Variants in TSPOAP1 observed in about 807,000 individuals in gnomAD.
The protein encoded by TSPOAP1 is TSPO associated protein 1.
Under a neutral mutation model 197.0 loss-of-function variants are expected in TSPOAP1, and 87 were observed. The observed-to-expected ratio is 0.44, with a 90% CI of 0.37 to 0.53. The LOEUF is 0.53. Among genes scored for constraint, TSPOAP1 ranks in the 20% least tolerant of loss-of-function variants. The pLI, the probability that TSPOAP1 is intolerant of heterozygous loss-of-function variation, is 0.00. For synonymous variants in TSPOAP1, 913 were observed against 998.9 expected (o/e 0.91, Z 1.62); for missense variants, 2,174 against 2,411.3 (o/e 0.90, Z 2.06).
At chr17:58,312,888 G>T (rs62084580) in intron 16 of TSPOAP1, among the ~76,000 whole-genome samples, 166 bp from the exon 17 acceptor site, 8,866 of 152,352 alleles carry the variant, frequency 0.058, 363 homozygotes, top group East Asian at 0.12. Context: ...GAGCAGTAAA[G>T]ATCTGGATTA....
chr17:58,318,702 C>T (rs1430124278), intron 13 of TSPOAP1, among the ~76,000 whole-genome samples: 2 of 152,068 alleles, frequency 1.3e-5, no homozygotes, highest in Non-Finnish European at 1.5e-5. Flanking sequence ...AAACTATGGC[C>T]CAGAGAGGTT....
chr17:58,327,929 C>T lies in TSPOAP1; in HGVS notation c.-9G>A, dbSNP rs2143176287. ...GTTGTCAGTTGCTCCATGGTACTGC[C>T]AAGGGGCCCCAGAACCCGGGCCGGG... On this transcript the variant is annotated 5_prime_UTR_variant, in exon 1 of 32. An upstream open reading frame in the 5' UTR gains an earlier in-frame stop. Transcript: ENST00000343736. 1 of 1,581,858 alleles carries T rather than the reference C, an allele frequency of 6.3e-7. No individual in the cohort carries two copies. The highest frequency in any genetic ancestry group is 2.3e-5 in the East Asian group (1 of 44,158).
At chr17:58,305,005 A>T in intron 30 of TSPOAP1, 56 bp downstream of exon 30, 1 of 1,369,386 alleles carries the variant, frequency 7.3e-7, no homozygotes, top group Non-Finnish European at 1.0e-6. Flanking sequence ...TGGCCCTACC[A>T]CCCCACCAGT....
At chr17:58,311,376 C>T (rs1324519311) in intron 18 of TSPOAP1, 163 bp from the exon 19 acceptor site, 1 of 1,252,378 alleles carries the variant, frequency 8.0e-7, no homozygotes, top group Admixed American at 2.7e-5. Context: ...ATCCTCCTGG[C>T]CATATGGCTT....
chr17:58,308,461 G>T, intron 22 of TSPOAP1, 80 bp downstream of exon 22: 1 of 1,482,096 alleles, frequency 6.7e-7, no homozygotes, highest in South Asian at 1.4e-5. Context: ...AGCGTGGAAT[G>T]GGAGCTGCTG....
chr17:58,305,923 G>C, intron 26 of TSPOAP1, 58 bp from the exon 27 acceptor site: 1 of 1,574,670 alleles, frequency 6.4e-7, no homozygotes, highest in Non-Finnish European at 8.7e-7. Context: ...GGCTGCAGGT[G>C]CTGCAGCGCA....
chr17:58,321,762 A>G (rs1971411815), intron 10 of TSPOAP1, among the ~76,000 whole-genome samples: 1 of 152,118 alleles, frequency 6.6e-6, no homozygotes, highest in African/African-American at 2.4e-5. Context: ...AATACCAGCC[A>G]TGTGATCCTG....
At position 58,308,629 on chromosome 17, in the gene TSPOAP1, G is replaced by A. The variant is rs1970982646; in HGVS notation, c.4643C>T (p.Pro1548Leu). 6.2e-7 allele frequency: 1 copy of A among 1,607,216 alleles called. No homozygotes were observed. The highest frequency in any genetic ancestry group is 1.1e-5 in the South Asian group (1 of 90,842). Residue 1548 changes from proline (P) to leucine (L), a missense_variant, in exon 22 of 32, where the codon CCC becomes CTC. Transcript: ENST00000343736. ...CTCCCAGGCTGGGAGGCGTGGGTAG[G>A]GCTTGGGGCCTGAATTGGCCTTCGG... ...GPPKANSGPK[P>L]YPRLPAWEKG...
rs764008153 is a variant in TSPOAP1 at position 58,305,624 on chromosome 17, G to T, written c.5277C>A (p.Pro1759=). ...AGTGGGGAGCTTTCAGGTCAGCAGAGGGGACCAGCTTAGGGGGGCCTGCAG... is the reference window on the plus strand; with the variant it reads ...AGTGGGGAGCTTTCAGGTCAGCAGATGGGACCAGCTTAGGGGGGCCTGCAG... ...QPCPGPPKLV[P]SADLKAPHSM... Residue 1759 remains proline, a synonymous_variant, in exon 28 of 32, where the codon CCC becomes CCA. Coordinates refer to ENST00000343736, the MANE Select transcript of TSPOAP1 (RefSeq NM_004758.4). 3.2e-6 allele frequency: 5 copies of T among 1,551,590 alleles called. No homozygotes were observed. The East Asian group carries it at 1.1e-4, about 35-fold the overall frequency.
chr17:58,305,682 G>C (rs775183168), intron 27 of TSPOAP1, 39 bp from the exon 28 acceptor site: 1 of 1,358,356 alleles, frequency 7.4e-7, no homozygotes, highest in Non-Finnish European at 1.0e-6. Context: ...ACTCTCTGGA[G>C]AGCCCTACAC....
At chr17:58,319,319 G>T (rs374029973) in intron 12 of TSPOAP1, 25 bp from the exon 13 acceptor site, 12 of 1,548,752 alleles carry the variant, frequency 7.7e-6, no homozygotes, top group South Asian at 2.4e-5. Context: ...ACCATGAGCC[G>T]CCAGGCCCCT....
intron 29 of TSPOAP1, 35 bp from the exon 30 acceptor site, chr17:58,305,206 A>G: frequency 6.4e-7 from 1 of 1,559,520 alleles, no homozygotes; most frequent in Non-Finnish European, 8.8e-7. Flanking sequence ...TGAGATCAGG[A>G]AAGAGGCTCT....
rs1195117621 is a variant in TSPOAP1, at chr17:58,312,059, G to A, written c.2762C>T (p.Pro921Leu). The A allele has an allele frequency of 1.2e-6, 2 of 1,613,336 alleles. No individual in the cohort carries two copies. Among genetic ancestry groups the A allele is most frequent in the African/African-American group, 2.7e-5 (2 of 74,926 alleles). The change falls in exon 17 of 32, where the codon CCA (proline) becomes CTA (leucine). Residue 921 changes from proline to leucine, a missense_variant. Transcript: ENST00000343736. ...HAIYLNGEECPPASPSTYWAT... is the reference protein window; with the variant it reads ...HAIYLNGEECLPASPSTYWAT... ...CCAGTAGGTACTGGGGCTGGCAGGTGGGCACTCTTCCCCATTGAGGTAGAT... is the reference window on the plus strand; with the variant it reads ...CCAGTAGGTACTGGGGCTGGCAGGTAGGCACTCTTCCCCATTGAGGTAGAT...
rs1436725773 is a variant in TSPOAP1, at chr17:58,324,789, C to A, written c.942+22G>T. ...CACCCATCTGCACGCACCCACACAC[C>A]TGCCCTTGCGCCGGCGCTCACCTCT... On this transcript the variant is annotated intron_variant, in intron 5 of 31. Coordinates refer to ENST00000343736, the MANE Select transcript of TSPOAP1 (RefSeq NM_004758.4). This position sits in a 1 kb window ranked among gnomAD's most constrained non-coding sequence, Gnocchi z 5.8. 3.5e-6 allele frequency: 5 copies of A among 1,444,504 alleles called. No homozygotes were observed. The highest frequency in any genetic ancestry group is 4.5e-6 in the Non-Finnish European group (5 of 1,102,438). The allele number at this position is 1,444,504 out of a possible 1,614,324, so 89.5% of individuals were successfully genotyped here. A position where few individuals can be genotyped will look rare whatever the true frequency, so the allele number is the denominator to read the frequency against.
chr17:58,322,435 A>G lies in TSPOAP1; in HGVS notation c.1318-23T>C. The G allele has an allele frequency of 6.2e-7, 1 of 1,603,506 alleles. No homozygotes were observed. On this transcript the variant is annotated intron_variant, in intron 9 of 31. Transcript: ENST00000343736. The surrounding 1 kb of genome is among the most constrained non-coding windows in gnomAD (Gnocchi z 5.0). ...GTGCTGAAACACAAGATCTGAGTCA[A>G]GGCCAGAGCCCCTACTTGGCCATTT... is the stretch of plus-strand genomic sequence containing the variant.
chr17:58,305,894 C>G (rs895644504), intron 26 of TSPOAP1, 29 bp from the exon 27 acceptor site: 11 of 1,601,768 alleles, frequency 6.9e-6, no homozygotes, highest in Non-Finnish European at 9.4e-6. Context: ...TGTGAGCCCC[C>G]TCCCACCCTG....
In TSPOAP1 at chr17:58,322,287, C is replaced by T; in HGVS notation, c.1422+21G>A. The T allele has an allele frequency of 1.3e-6, 2 of 1,598,124 alleles. No individual in the cohort carries two copies. The highest frequency in any genetic ancestry group is 2.2e-5 in the South Asian group (2 of 90,810). ...AAGCTGGTGTCCAGCAGCCTGCCAGCTTCCCTCACTGCCGCCCCACCTGCT... is the reference window on the plus strand; with the variant it reads ...AAGCTGGTGTCCAGCAGCCTGCCAGTTTCCCTCACTGCCGCCCCACCTGCT... On this transcript the variant is annotated intron_variant, in intron 10 of 31. Coordinates refer to ENST00000343736, the MANE Select transcript of TSPOAP1 (RefSeq NM_004758.4). The surrounding 1 kb of genome is among the most constrained non-coding windows in gnomAD (Gnocchi z 5.0).
Position 58,326,226 on chromosome 17 carries a change from C to T in TSPOAP1, c.570+67G>A. On this transcript the variant is annotated intron_variant, in intron 3 of 31. Transcript: ENST00000343736. This position sits in a 1 kb window ranked among gnomAD's most constrained non-coding sequence, Gnocchi z 4.7. The stretch of plus-strand genomic sequence containing the variant: ...TGACTCCCAAGCTTCAGACAGCCCT[C>T]AGGCCCAGCCCTGGCTCCCCTCTTC... 2 of 1,595,548 alleles carry T rather than the reference C, an allele frequency of 1.3e-6. No homozygotes were observed. Among genetic ancestry groups the T allele is most frequent in the South Asian group, 2.3e-5 (2 of 88,216 alleles).
chr17:58,309,823 C>T lies in TSPOAP1; in HGVS notation c.3891+144G>A, dbSNP rs1971025382. ...GCAGGGGCCAATCCTGGGGCACTTC[C>T]TATCTTCTGCTTAGGACAGGGCCCA... On this transcript the variant is annotated intron_variant, in intron 21 of 31. Transcript: ENST00000343736. The surrounding 1 kb of genome is among the most constrained non-coding windows in gnomAD (Gnocchi z 5.0). 8.8e-7 allele frequency: 1 copy of T among 1,137,268 alleles called. No homozygotes were observed. The highest frequency in any genetic ancestry group is 1.2e-6 in the Non-Finnish European group (1 of 810,410). The allele number at this position is 1,137,268 out of a possible 1,614,324, so 70.4% of individuals were successfully genotyped here. A position where few individuals can be genotyped will look rare whatever the true frequency, so the allele number is the denominator to read the frequency against.
Sources: gnomAD v4.1 joint callset for allele counts (sites outside exome capture counted in the v4.1 genomes callset) on GRCh38, gnomAD v4.1.1 for gene constraint, Gnocchi (gnomAD v3.1) non-coding constraint, MANE v1.5 for transcripts, NCBI Gene and HGNC (gene_info 2026-07-23, HGNC 2026-07-21) for gene names.